CHD9: variants seen among roughly 807,000 people sequenced by gnomAD.
CHD9 encodes the protein ATP-dependent chromatin remodeler CHD9.
CHD9 carries 77 observed loss-of-function variants against 316.1 expected under a neutral mutation model. The ratio of observed to expected loss-of-function variants is 0.24; its 90% confidence interval spans 0.20 to 0.29. The LOEUF (loss-of-function observed/expected upper bound fraction) is 0.29, where lower values mean the gene tolerates loss of function less well. CHD9 is among the 10% of genes least tolerant of loss of function. The pLI is 1.00. For synonymous variants in CHD9, 1,129 were observed against 1,158.3 expected (o/e 0.97, Z 0.51); for missense variants, 2,763 against 3,438.1 (o/e 0.80, Z 4.91).
At chr16:53,194,212 C>T (rs561139147) in intron 2 of CHD9, among the ~76,000 whole-genome samples, 3 of 150,514 alleles carry the variant, frequency 2.0e-5, no homozygotes, top group Non-Finnish European at 4.4e-5. Context: ...GGCAACAGAG[C>T]GAGACCCTGC....
At chr16:53,158,668 A>G (rs1021362747) in intron 2 of CHD9, among the ~76,000 whole-genome samples, 2 of 152,032 alleles carry the variant, frequency 1.3e-5, no homozygotes, top group East Asian at 1.9e-4. Context: ...ACAGGGTCTC[A>G]CTCTGTCACC....
chr16:53,183,693 C>T (rs1040020750), intron 2 of CHD9, among the ~76,000 whole-genome samples: 8 of 152,178 alleles, frequency 5.3e-5, no homozygotes, highest in South Asian at 2.1e-4. Flanking sequence ...GTGAGAGGGT[C>T]GCTTGAGGCC....
chr16:53,071,424 T>C (rs147895474), intron 1 of CHD9, among the ~76,000 whole-genome samples: 1 of 152,132 alleles, frequency 6.6e-6, no homozygotes, highest in Non-Finnish European at 1.5e-5. Flanking sequence ...ATTTCAAAAA[T>C]GTGAGCCCCT....
intron 20 of CHD9, among the ~76,000 whole-genome samples, chr16:53,266,263 A>G (rs1473654959): frequency 6.6e-6 from 1 of 152,212 alleles, no homozygotes; most frequent in Non-Finnish European, 1.5e-5. Flanking sequence ...GAAACTTGGC[A>G]AAAGTTAACA....
rs1224485632 is a variant in CHD9 at position 53,146,415 on chromosome 16, G to GTGTGTATATA, written c.-164-9510_-164-9509insGTGTATATAT. ...CAAAAAAAAAAAATTGTGTGTGTGT[G>GTGTGTATATA]TATGTATATATATATATATATAATT... On this transcript the variant is annotated intron_variant, in intron 1 of 38. Transcript: ENST00000447540. Among the ~76,000 whole-genome samples the GTGTGTATATA allele has an allele frequency of 2.0e-3, 127 of 64,448 alleles. 7 individuals are homozygous for GTGTGTATATA. Among genetic ancestry groups the GTGTGTATATA allele is most frequent in the East Asian group, 3.3e-3 (7 of 2,110 alleles). The allele number at this position is 64,448 out of a possible 152,430, so 42.3% of individuals were successfully genotyped here.
intron 1 of CHD9, among the ~76,000 whole-genome samples, chr16:53,123,300 C>A (rs778506936): frequency 6.6e-6 from 1 of 150,890 alleles, no homozygotes; most frequent in African/African-American, 2.4e-5. Context: ...TATTTTATTG[C>A]CCCCCAGAAG....
intron 34 of CHD9, 71 bp from the exon 35 acceptor site, chr16:53,314,306 G>A (rs888215334): frequency 5.5e-6 from 6 of 1,094,670 alleles, no homozygotes; most frequent in South Asian, 1.7e-5. Flanking sequence ...CATATATTTA[G>A]GAAAGGGATT....
chr16:53,067,683 G>A (rs1395541847), intron 1 of CHD9, among the ~76,000 whole-genome samples: 2 of 152,144 alleles, frequency 1.3e-5, no homozygotes, highest in Non-Finnish European at 2.9e-5. Flanking sequence ...CAGAAGTAAA[G>A]TGCCATCTTT....
chr16:53,173,585 C>T (rs1046452480), intron 2 of CHD9, among the ~76,000 whole-genome samples: 12 of 151,758 alleles, frequency 7.9e-5, no homozygotes, highest in African/African-American at 2.7e-4. Flanking sequence ...CGCTCTGTTG[C>T]TCAGGCTGGA....
At chr16:53,265,292 C>G (rs138370833) in intron 20 of CHD9, among the ~76,000 whole-genome samples, 1 of 152,006 alleles carries the variant, frequency 6.6e-6, no homozygotes, top group Non-Finnish European at 1.5e-5. Flanking sequence ...ATCCTAGTTA[C>G]GAAGGAGCCT....
intron 17 of CHD9, among the ~76,000 whole-genome samples, chr16:53,253,933 T>C (rs2050340457): frequency 6.6e-6 from 1 of 152,122 alleles, no homozygotes. Context: ...TCCCAGCACT[T>C]TGGGAGGTTG....
chr16:53,320,893 T>C (rs1459737207), intron 37 of CHD9, among the ~76,000 whole-genome samples: 1 of 152,194 alleles, frequency 6.6e-6, no homozygotes, highest in East Asian at 1.9e-4. Flanking sequence ...TTTTGTATCC[T>C]GACTCTAACA....
intron 2 of CHD9, among the ~76,000 whole-genome samples, chr16:53,167,687 T>C (rs2042368210): frequency 6.6e-6 from 1 of 152,108 alleles, no homozygotes; most frequent in Non-Finnish European, 1.5e-5. Context: ...ATACATAATA[T>C]AGTGTATATC....
Position 53,181,855 on chromosome 16 carries a change from G to A in CHD9, c.1452+24314G>A, listed in dbSNP as rs768908824. On this transcript the variant is annotated intron_variant, in intron 2 of 38. Coordinates refer to ENST00000447540, the MANE Select transcript of CHD9 (RefSeq NM_001308319.2). ...AGCACTTTGGGAGGCCGAGCTGGGC[G>A]AATCACCTAGGGTCAAGAGTTTGAG... Among the ~76,000 whole-genome samples, 14 of 152,272 alleles carry A rather than the reference G, an allele frequency of 9.2e-5. No individual in the cohort carries two copies. The Middle Eastern group carries it at 0.014, about 148-fold the overall frequency.
At chr16:53,278,269 C>A (rs1483342511) in intron 24 of CHD9, among the ~76,000 whole-genome samples, 1 of 152,034 alleles carries the variant, frequency 6.6e-6, no homozygotes, top group Non-Finnish European at 1.5e-5. Flanking sequence ...TCCTAAAATT[C>A]ATATGGAATG....
chr16:53,149,125 G>A (rs1230805550), intron 1 of CHD9, among the ~76,000 whole-genome samples: 1 of 152,174 alleles, frequency 6.6e-6, no homozygotes, highest in Non-Finnish European at 1.5e-5. Context: ...AGGACAGTTT[G>A]TATACTTGTA....
chr16:53,152,638 G>C (rs1268896873), intron 1 of CHD9, among the ~76,000 whole-genome samples: 1 of 152,182 alleles, frequency 6.6e-6, no homozygotes, highest in African/African-American at 2.4e-5. Flanking sequence ...GGAGTGTCCT[G>C]AATTAACTTG....
intron 27 of CHD9, among the ~76,000 whole-genome samples, chr16:53,291,102 A>G (rs1359496062): frequency 6.6e-6 from 1 of 152,232 alleles, no homozygotes; most frequent in Admixed American, 6.5e-5. Flanking sequence ...TACACCAAAC[A>G]AAGAGAAGAT....
chr16:53,098,459 G>C (rs1198892750), intron 1 of CHD9, among the ~76,000 whole-genome samples: 2 of 140,784 alleles, frequency 1.4e-5, no homozygotes, highest in South Asian at 2.3e-4. Context: ...CTGGGCAACA[G>C]AGTGAGACTC....
Sources: gnomAD v4.1 joint callset for allele counts (sites outside exome capture counted in the v4.1 genomes callset) on GRCh38, gnomAD v4.1.1 for gene constraint, MANE v1.5 for transcripts, NCBI Gene and HGNC (gene_info 2026-07-23, HGNC 2026-07-21) for gene names.